Variants in EYS observed in about 807,000 individuals in gnomAD.
The protein encoded by EYS is EGF-like photoreceptor maintenance factor, also known as protein eyes shut homolog.
EYS carries 250 observed loss-of-function variants against 282.1 expected under a neutral mutation model. The ratio of observed to expected loss-of-function variants is 0.89; its 90% CI spans 0.80 to 0.98. EYS has a LOEUF of 0.98. Among genes scored for constraint, EYS ranks in the 50% least tolerant of loss-of-function variants. The probability of loss-of-function intolerance (pLI) is 0.00; values close to 1 mark genes in which losing one functional copy is unlikely to be tolerated. For missense variants in EYS, 4,016 were observed against 3,709.0 expected (o/e 1.08, Z -2.15); for synonymous variants, 1,355 against 1,282.9 (o/e 1.06, Z -1.20).
chr6:65,202,414 A>T lies in EYS; in HGVS notation c.2023+93449T>A, dbSNP rs756172415. ...TAGCTGTTTGTGAAAGCTGTGAAGC[A>T]TATCTTCCATTTCCCTGAGTAGTCT... On this transcript the variant is annotated intron_variant, in intron 12 of 42. Coordinates refer to ENST00000503581, the MANE Select transcript of EYS (RefSeq NM_001142800.2). 2.8e-4 allele frequency among the ~76,000 whole-genome samples: 42 copies of T among 152,158 alleles called. 1 individual carries two copies. Among genetic ancestry groups the T allele is most frequent in the Admixed American group, 2.5e-3 (38 of 15,274 alleles).
At chr6:65,574,119 C>T (rs968105313) in intron 2 of EYS, among the ~76,000 whole-genome samples, 1 of 152,168 alleles carries the variant, frequency 6.6e-6, no homozygotes, top group African/African-American at 2.4e-5. Flanking sequence ...GTAGTTTCTC[C>T]ACACATTCTC....
chr6:63,778,247 AT>A (rs936967665), intron 39 of EYS, 67 bp from the exon 40 acceptor site: 20 of 1,448,130 alleles, frequency 1.4e-5, no homozygotes, highest in Non-Finnish European at 1.8e-5. Flanking sequence ...GAAGAAGGTT[AT>A]TTTTCATTTT....
chr6:63,927,964 T>C (rs1420622535), intron 35 of EYS, among the ~76,000 whole-genome samples: 4 of 152,220 alleles, frequency 2.6e-5, no homozygotes, highest in Admixed American at 2.0e-4. Context: ...CTACTCTAGA[T>C]TGAAGTCTCA....
At chr6:65,116,081 C>T (rs1775367060) in intron 12 of EYS, among the ~76,000 whole-genome samples, 1 of 151,990 alleles carries the variant, frequency 6.6e-6, no homozygotes, top group Non-Finnish European at 1.5e-5. Flanking sequence ...GTAGACAACA[C>T]TAAACAGTAA....
intron 16 of EYS, among the ~76,000 whole-genome samples, chr6:64,907,273 C>T (rs973935250): frequency 2.0e-5 from 3 of 152,046 alleles, no homozygotes; most frequent in African/African-American, 4.8e-5. Context: ...TGGTCTGGAG[C>T]TATTGGCCTC....
chr6:65,402,027 T>C (rs1410865633), intron 7 of EYS, among the ~76,000 whole-genome samples: 1 of 151,936 alleles, frequency 6.6e-6, no homozygotes, highest in Admixed American at 6.6e-5. Context: ...AAAGAATGAA[T>C]TCCTAAAAGT....
chr6:64,895,819 A>G (rs1045978569), intron 18 of EYS, among the ~76,000 whole-genome samples: 3 of 152,106 alleles, frequency 2.0e-5, no homozygotes, highest in African/African-American at 7.2e-5. Flanking sequence ...TCATACTTAT[A>G]CATACAATAT....
chr6:65,326,220 T>A (rs1409956638), intron 11 of EYS, among the ~76,000 whole-genome samples: 1 of 151,980 alleles, frequency 6.6e-6, no homozygotes, highest in Non-Finnish European at 1.5e-5. Context: ...TGCTTCTCAA[T>A]CTTGTGTCAC....
intron 19 of EYS, among the ~76,000 whole-genome samples, chr6:64,874,446 A>T (rs1224826450): frequency 6.6e-6 from 1 of 152,090 alleles, no homozygotes; most frequent in African/African-American, 2.4e-5. Context: ...AGTATGCAGT[A>T]TGCTCCATAC....
At chr6:64,631,998 C>T (rs1318434366) in intron 22 of EYS, among the ~76,000 whole-genome samples, 1 of 151,536 alleles carries the variant, frequency 6.6e-6, no homozygotes, top group Non-Finnish European at 1.5e-5. Context: ...TCTAATATCC[C>T]ATTTGCTGGG....
intron 2 of EYS, among the ~76,000 whole-genome samples, chr6:65,530,568 A>G (rs946102924): frequency 4.6e-5 from 7 of 152,134 alleles, no homozygotes; most frequent in Admixed American, 3.3e-4. Flanking sequence ...AAAGCTTATA[A>G]AAACATAATT....
chr6:65,285,847 T>C (rs1037324246), intron 12 of EYS, among the ~76,000 whole-genome samples: 7 of 151,886 alleles, frequency 4.6e-5, no homozygotes, highest in Admixed American at 3.3e-4. Context: ...TATAATGGTA[T>C]AAAAAATCAG....
In EYS at chr6:64,044,822, A is replaced by G. The variant is rs566841761; in HGVS notation, c.6725+21516T>C. 9.1e-4 allele frequency among the ~76,000 whole-genome samples: 138 copies of G among 152,164 alleles called. 1 individual carries two copies. The highest frequency in any genetic ancestry group is 1.0e-3 in the Non-Finnish European group (69 of 68,040). On this transcript the variant is annotated intron_variant, in intron 33 of 42. Coordinates refer to ENST00000503581, the MANE Select transcript of EYS (RefSeq NM_001142800.2). ...TTGTTGATTTAGCTTCCAGATGAGC[A>G]CAAAAATAAAAGGCAGAAGTGAATA...
chr6:65,581,020 T>C (rs1764848932), intron 2 of EYS, among the ~76,000 whole-genome samples: 2 of 152,122 alleles, frequency 1.3e-5, no homozygotes, highest in African/African-American at 4.8e-5. Context: ...TTTTGGCACT[T>C]TGTTTCAACT....
chr6:63,870,362 T>C (rs895277512), intron 35 of EYS, among the ~76,000 whole-genome samples: 2 of 152,160 alleles, frequency 1.3e-5, no homozygotes, highest in African/African-American at 2.4e-5. Flanking sequence ...GCACACAACG[T>C]CGATGGTTGT....
chr6:63,760,833 A>C (rs937077124), intron 41 of EYS, among the ~76,000 whole-genome samples: 14 of 151,986 alleles, frequency 9.2e-5, no homozygotes, highest in Non-Finnish European at 1.9e-4. Flanking sequence ...GCCTTTAAGC[A>C]TCAAAACTGT....
At position 64,230,669 on chromosome 6, in the gene EYS, G is replaced by C; in HGVS notation, c.6347C>G (p.Ala2116Gly). Residue 2116 changes from alanine to glycine, a missense_variant, in exon 31 of 43, where the codon GCC becomes GGC. Coordinates refer to ENST00000503581, the MANE Select transcript of EYS (RefSeq NM_001142800.2). ...DVCHNGGTCH[A>G]IFLSSGIVSF... ...CACTATGCCACTGGAGAGGAAGATG[G>C]CATGGCATGTGCCTCCATTGTGGCA... The C allele has an allele frequency of 1.3e-6, 2 of 1,551,528 alleles. No homozygotes were observed. The highest frequency in any genetic ancestry group is 1.7e-6 in the Non-Finnish European group (2 of 1,146,858).
chr6:65,320,856 C>T (rs1769455819), intron 11 of EYS, among the ~76,000 whole-genome samples: 1 of 152,168 alleles, frequency 6.6e-6, no homozygotes, highest in Non-Finnish European at 1.5e-5. Context: ...GGTTGGCATG[C>T]AGTGACTGAT....
At chr6:65,701,718 C>T (rs1251729900) in intron 1 of EYS, among the ~76,000 whole-genome samples, 1 of 152,140 alleles carries the variant, frequency 6.6e-6, no homozygotes, top group East Asian at 1.9e-4. Flanking sequence ...ACAAAATTCA[C>T]AATCTTTGTT....
Sources: gnomAD v4.1 joint callset for allele counts (sites outside exome capture counted in the v4.1 genomes callset) on GRCh38, gnomAD v4.1.1 for gene constraint, MANE v1.5 for transcripts, NCBI Gene and HGNC (gene_info 2026-07-23, HGNC 2026-07-21) for gene names.